CLYBL: variants seen among roughly 807,000 people sequenced by gnomAD.
CLYBL encodes citramalyl-CoA lyase, also known as citramalyl-CoA lyase, mitochondrial.
CLYBL carries 31 observed loss-of-function variants against 38.9 expected under a neutral mutation model. The observed-to-expected ratio is 0.80, with a 90% CI of 0.60 to 1.08. CLYBL has a LOEUF of 1.08. Ranked by LOEUF, CLYBL falls within the 50% of genes least tolerant of loss-of-function variation. CLYBL has a pLI of 0.00. For synonymous variants in CLYBL, 171 were observed against 158.6 expected, an observed-to-expected ratio of 1.08 and a Z score of -0.59; for missense variants, 434 against 411.6, an observed-to-expected ratio of 1.05 and a Z score of -0.47.
At chr13:99,836,958 G>A (rs911722953) in intron 2 of CLYBL, among the ~76,000 whole-genome samples, 2 of 152,002 alleles carry the variant, frequency 1.3e-5, no homozygotes, top group Non-Finnish European at 2.9e-5. Context: ...GTTAATGGGT[G>A]CAGCACACCA....
chr13:99,641,729 G>A lies in CLYBL; in HGVS notation c.62+34972G>A, dbSNP rs182210027. 4.2e-3 allele frequency among the ~76,000 whole-genome samples: 642 copies of A among 152,088 alleles called. 19 individuals are homozygous for A. The highest frequency in any genetic ancestry group is 1.1e-3 in the Non-Finnish European group (73 of 67,982). On this transcript the variant is annotated intron_variant, in intron 1 of 8. Transcript: ENST00000339105. ...TGGGAGGCTGAGGCAGGAGAATGGC[G>A]TGAACCCGGGAGGTGGAGCTTGCAG...
intron 1 of CLYBL, among the ~76,000 whole-genome samples, chr13:99,771,530 C>A (rs2049395239): frequency 6.6e-6 from 1 of 152,180 alleles, no homozygotes; most frequent in South Asian, 2.1e-4. Context: ...TCACCGGGCC[C>A]CGCAAATTGT....
In CLYBL at chr13:99,761,345, G is replaced by A. The variant is rs183636205; in HGVS notation, c.63-11479G>A. Among the ~76,000 whole-genome samples the A allele has an allele frequency of 1.2e-4, 18 of 152,224 alleles. No homozygotes were observed. The East Asian group carries it at 1.7e-3, about 15-fold the overall frequency. On this transcript the variant is annotated intron_variant, in intron 1 of 8. Coordinates refer to ENST00000339105, the MANE Select transcript of CLYBL (RefSeq NM_206808.5). ...TCCAGCCTAGGCGACAGAGTGAGAC[G>A]CCAACTCAAGAAAAAAATATATATT...
intron 7 of CLYBL, among the ~76,000 whole-genome samples, chr13:99,881,524 G>C (rs550991708): frequency 1.4e-4 from 21 of 152,140 alleles, no homozygotes; most frequent in African/African-American, 4.1e-4. Flanking sequence ...CTGGGCTCAA[G>C]TGATCCTTCC....
At chr13:99,654,310 T>G (rs2047297189) in intron 1 of CLYBL, among the ~76,000 whole-genome samples, 1 of 152,178 alleles carries the variant, frequency 6.6e-6, no homozygotes, top group South Asian at 2.1e-4. Context: ...GAGGGGTAGC[T>G]GAGGCTGGGC....
At chr13:99,815,299 A>C (rs1488853827) in intron 2 of CLYBL, among the ~76,000 whole-genome samples, 1 of 152,138 alleles carries the variant, frequency 6.6e-6, no homozygotes, top group Non-Finnish European at 1.5e-5. Flanking sequence ...GGGATGGTGC[A>C]TGGGGATGGT....
intron 1 of CLYBL, among the ~76,000 whole-genome samples, chr13:99,764,373 G>A (rs1358721607): frequency 6.6e-6 from 1 of 152,136 alleles, no homozygotes; most frequent in East Asian, 1.9e-4. Context: ...AGGCCATGTG[G>A]GGATTTCTTT....
At chr13:99,816,764 C>G (rs1013448963) in intron 2 of CLYBL, among the ~76,000 whole-genome samples, 1 of 152,198 alleles carries the variant, frequency 6.6e-6, no homozygotes, top group Non-Finnish European at 1.5e-5. Context: ...TTCCCAGCCT[C>G]CAGAACTGTG....
chr13:99,815,878 CA>C (rs2050436570), intron 2 of CLYBL, among the ~76,000 whole-genome samples: 1 of 151,770 alleles, frequency 6.6e-6, no homozygotes. Flanking sequence ...GAGCCTGTCT[CA>C]AAAATAATAA....
chr13:99,810,027 G>T (rs1351199404), intron 2 of CLYBL, among the ~76,000 whole-genome samples: 1 of 152,248 alleles, frequency 6.6e-6, no homozygotes, highest in African/African-American at 2.4e-5. Context: ...AATAGCATAG[G>T]AGGATTTTTT....
At chr13:99,643,961 C>T (rs1377281516) in intron 1 of CLYBL, among the ~76,000 whole-genome samples, 4 of 143,774 alleles carry the variant, frequency 2.8e-5, no homozygotes, top group South Asian at 2.2e-4. Context: ...ATCCAGACTG[C>T]GCCATTGCAC....
chr13:99,834,136 CCTT>C (rs1256916403), intron 2 of CLYBL, among the ~76,000 whole-genome samples: 1 of 152,096 alleles, frequency 6.6e-6, no homozygotes, highest in Admixed American at 6.5e-5. Context: ...CCACAGGTAA[CCTT>C]CTGGCCAGTG....
At chr13:99,725,535 G>T (rs1048007610) in intron 1 of CLYBL, among the ~76,000 whole-genome samples, 45 of 152,194 alleles carry the variant, frequency 3.0e-4, no homozygotes, top group African/African-American at 1.0e-3. Flanking sequence ...GGAGAGGGCA[G>T]CAGAGAGATG....
chr13:99,858,479 T>A (rs1353592451), intron 2 of CLYBL, among the ~76,000 whole-genome samples: 1 of 152,222 alleles, frequency 6.6e-6, no homozygotes, highest in Non-Finnish European at 1.5e-5. Flanking sequence ...GTTTATTAAA[T>A]GAGAAAGTGC....
intron 1 of CLYBL, among the ~76,000 whole-genome samples, chr13:99,699,827 A>T (rs564920119): frequency 5.3e-5 from 8 of 151,716 alleles, no homozygotes; most frequent in African/African-American, 1.9e-4. Flanking sequence ...CCCCGTCTCT[A>T]CTAAAAATAC....
chr13:99,883,484 A>AACAGGG (rs1415850403), intron 7 of CLYBL, among the ~76,000 whole-genome samples: 2 of 149,508 alleles, frequency 1.3e-5, no homozygotes, highest in African/African-American at 5.0e-5. Flanking sequence ...ATGCCATTGC[A>AACAGGG]CTCCAGCCTG....
At chr13:99,833,013 T>C (rs1162007881) in intron 2 of CLYBL, among the ~76,000 whole-genome samples, 4 of 32,418 alleles carry the variant, frequency 1.2e-4, no homozygotes, top group East Asian at 1.7e-3. Flanking sequence ...CATACATATA[T>C]ATATATATAT....
At chr13:99,783,415 C>A (rs776168828) in intron 2 of CLYBL, among the ~76,000 whole-genome samples, 5 of 151,264 alleles carry the variant, frequency 3.3e-5, no homozygotes, top group Admixed American at 6.6e-5. Context: ...TTCTACATAT[C>A]TGCTTGGTAT....
intron 7 of CLYBL, among the ~76,000 whole-genome samples, chr13:99,889,957 C>T (rs1278239617): frequency 6.6e-6 from 1 of 152,156 alleles, no homozygotes; most frequent in Non-Finnish European, 1.5e-5. Flanking sequence ...TCTCGAAGGA[C>T]CCCTGCAACC....
Sources: gnomAD v4.1 joint callset for allele counts (sites outside exome capture counted in the v4.1 genomes callset) on GRCh38, gnomAD v4.1.1 for gene constraint, MANE v1.5 for transcripts, NCBI Gene and HGNC (gene_info 2026-07-23, HGNC 2026-07-21) for gene names.